Variants in SLC16A7 observed in about 807,000 individuals in gnomAD.
SLC16A7 encodes monocarboxylate transporter 2.
SLC16A7 carries 33 observed loss-of-function variants against 34.9 expected under a neutral mutation model. The observed-to-expected ratio is 0.94, with a 90% confidence interval of 0.72 to 1.26. The LOEUF is 1.26. SLC16A7 is among the 50% of genes most tolerant of loss of function. SLC16A7 has a pLI of 0.00. For missense variants in SLC16A7, 573 were observed against 578.1 expected, an observed-to-expected ratio of 0.99 and a Z score of 0.09; for synonymous variants, 201 against 206.6, an observed-to-expected ratio of 0.97 and a Z score of 0.23.
chr12:59,666,214 A>G (rs772722063), intron 2 of SLC16A7, among the ~76,000 whole-genome samples: 7 of 152,156 alleles, frequency 4.6e-5, no homozygotes, highest in Admixed American at 3.9e-4. Context: ...TTATTAGTCA[A>G]TATTCATGTT....
At chr12:59,738,609 C>T (rs1877885219) in intron 3 of SLC16A7, among the ~76,000 whole-genome samples, 1 of 152,114 alleles carries the variant, frequency 6.6e-6, no homozygotes, top group Non-Finnish European at 1.5e-5. Flanking sequence ...TTGCTTGTCA[C>T]TAATTTTGAC....
At chr12:59,683,654 A>G (rs1178351441) in intron 2 of SLC16A7, among the ~76,000 whole-genome samples, 1 of 152,224 alleles carries the variant, frequency 6.6e-6, no homozygotes, top group Non-Finnish European at 1.5e-5. Context: ...CAATAAATGA[A>G]GAATTTAAAT....
intron 1 of SLC16A7, among the ~76,000 whole-genome samples, chr12:59,606,726 T>C (rs1195834204): frequency 6.6e-6 from 1 of 152,206 alleles, no homozygotes; most frequent in Non-Finnish European, 1.5e-5. Flanking sequence ...AGCATTGCTA[T>C]ATGAAGTACT....
chr12:59,618,354 G>A (rs145221963), intron 1 of SLC16A7, among the ~76,000 whole-genome samples: 2 of 151,924 alleles, frequency 1.3e-5, no homozygotes, highest in African/African-American at 4.8e-5. Flanking sequence ...TTCTATCTAT[G>A]TTTCCATATA....
chr12:59,670,888 G>A (rs993350968), intron 2 of SLC16A7, among the ~76,000 whole-genome samples: 21 of 152,190 alleles, frequency 1.4e-4, no homozygotes, highest in African/African-American at 5.1e-4. Flanking sequence ...TGGAGCCCAG[G>A]AGGTGGGCCT....
intron 1 of SLC16A7, among the ~76,000 whole-genome samples, chr12:59,622,432 T>C (rs1161901279): frequency 6.6e-6 from 1 of 151,940 alleles, no homozygotes; most frequent in Non-Finnish European, 1.5e-5. Context: ...TCTATTTTTC[T>C]GTGATTGTTT....
intron 1 of SLC16A7, among the ~76,000 whole-genome samples, chr12:59,621,078 T>C (rs1219208194): frequency 6.6e-6 from 1 of 151,914 alleles, no homozygotes; most frequent in Non-Finnish European, 1.5e-5. Context: ...TGGTGCACTA[T>C]GGTTTATCCA....
At chr12:59,765,957 A>C (rs1293060922) in intron 3 of SLC16A7, among the ~76,000 whole-genome samples, 10 of 152,040 alleles carry the variant, frequency 6.6e-5, no homozygotes. Flanking sequence ...GATTCTTCCT[A>C]CCCGTGAGCA....
At chr12:59,607,675 TA>T (rs1219375185) in intron 1 of SLC16A7, among the ~76,000 whole-genome samples, 3 of 152,068 alleles carry the variant, frequency 2.0e-5, no homozygotes, top group African/African-American at 7.2e-5. Flanking sequence ...ATAACTCTAA[TA>T]TTTTTTTCTA....
At chr12:59,748,188 A>G (rs999729354) in intron 3 of SLC16A7, among the ~76,000 whole-genome samples, 1 of 152,216 alleles carries the variant, frequency 6.6e-6, no homozygotes, top group African/African-American at 2.4e-5. Context: ...TTAGCTAGAT[A>G]GGATAGGATT....
In SLC16A7 at chr12:59,606,685, C is replaced by T. The variant is rs74710763; in HGVS notation, c.-130+10449C>T. ...TGACAACTAGATCTTGGCTCCCATA[C>T]CTTAAATCAATTCAAATCAGTAAAT... On this transcript the variant is annotated intron_variant, in intron 1 of 5. Transcript: ENST00000547379. Among the ~76,000 whole-genome samples the T allele has an allele frequency of 3.3e-3, 501 of 152,176 alleles. 19 individuals carry two copies. The East Asian group carries it at 0.085, about 26-fold the overall frequency.
chr12:59,670,089 C>G (rs1869549600), intron 2 of SLC16A7, among the ~76,000 whole-genome samples: 1 of 152,182 alleles, frequency 6.6e-6, no homozygotes, highest in Non-Finnish European at 1.5e-5. Flanking sequence ...TTGAAAGCTT[C>G]TAGGGGAATA....
At chr12:59,648,181 T>C (rs757033984) in intron 1 of SLC16A7, among the ~76,000 whole-genome samples, 14 of 152,128 alleles carry the variant, frequency 9.2e-5, no homozygotes, top group African/African-American at 2.2e-4. Context: ...TACCAAGATA[T>C]GTGTGAAGAG....
At chr12:59,696,302 A>G (rs1872283547) in intron 2 of SLC16A7, 1 of 152,036 alleles carries the variant, frequency 6.6e-6, no homozygotes, top group Non-Finnish European at 1.5e-5. Context: ...AAAGATGTTC[A>G]AAATTTATTG....
chr12:59,767,363 C>A (rs555267294), intron 3 of SLC16A7, among the ~76,000 whole-genome samples: 2 of 151,886 alleles, frequency 1.3e-5, no homozygotes, highest in Non-Finnish European at 2.9e-5. Flanking sequence ...GATGAAATAG[C>A]CTTCTATTGG....
At chr12:59,761,062 T>C in intron 3 of SLC16A7, 1 of 677,012 alleles carries the variant, frequency 1.5e-6, no homozygotes. Context: ...ATTTAAAAAA[T>C]CACGTCTTGA....
At chr12:59,777,131 A>G (rs916771849) in intron 5 of SLC16A7, among the ~76,000 whole-genome samples, 3 of 152,186 alleles carry the variant, frequency 2.0e-5, no homozygotes, top group Non-Finnish European at 4.4e-5. Context: ...ATGTGCATTA[A>G]TATTTTTAAA....
rs1414497739 is a variant in SLC16A7, at chr12:59,787,286, A to G, written c.*7607A>G. The G allele has an allele frequency of 6.6e-6, 1 of 152,200 alleles. No homozygotes were observed. The highest frequency in any genetic ancestry group is 1.5e-5 in the Non-Finnish European group (1 of 68,034). The allele number at this position is 152,200 out of a possible 1,614,324, so 9.4% of individuals were successfully genotyped here. A position where few individuals can be genotyped will look rare whatever the true frequency, so the allele number is the denominator to read the frequency against. ...ATAGTCTTGAGGAGAACACCTCTACAGTATTTCTTGATCTAAGAACCTGAA... is the reference window on the plus strand; with the variant it reads ...ATAGTCTTGAGGAGAACACCTCTACGGTATTTCTTGATCTAAGAACCTGAA... On this transcript the variant is annotated 3_prime_UTR_variant, in exon 6 of 6. Coordinates refer to ENST00000547379, the MANE Select transcript of SLC16A7 (RefSeq NM_001270623.2).
intron 2 of SLC16A7, among the ~76,000 whole-genome samples, chr12:59,673,051 T>G (rs1592470654): frequency 6.6e-6 from 1 of 152,270 alleles, no homozygotes; most frequent in East Asian, 1.9e-4. Flanking sequence ...AAGAGTTGAC[T>G]TTGACTCAGG....
Sources: gnomAD v4.1 joint callset for allele counts (sites outside exome capture counted in the v4.1 genomes callset) on GRCh38, gnomAD v4.1.1 for gene constraint, MANE v1.5 for transcripts, NCBI Gene and HGNC (gene_info 2026-07-23, HGNC 2026-07-21) for gene names.